MAP3K13: variants seen among roughly 807,000 people sequenced by gnomAD.
The protein encoded by MAP3K13 is mitogen-activated protein kinase kinase kinase 13.
A neutral mutation model predicts 104.0 loss-of-function variants in MAP3K13; 52 were observed. The ratio of observed to expected loss-of-function variants is 0.50; its 90% confidence interval spans 0.40 to 0.63. MAP3K13 has a LOEUF of 0.63. MAP3K13 is among the 20% of genes least tolerant of loss of function. The pLI is 0.00. For synonymous variants in MAP3K13, 394 were observed against 442.2 expected, an observed-to-expected ratio of 0.89 and a Z score of 1.37; for missense variants, 914 against 1,218.5, an observed-to-expected ratio of 0.75 and a Z score of 3.72.
rs1393394102 is a variant in MAP3K13, at chr3:185,417,744, C to G, written c.-85-10753C>G. The G allele has an allele frequency of 3.7e-6, 6 of 1,612,470 alleles. No homozygotes were observed. The African/African-American group carries it at 4.0e-5, about 11-fold the overall frequency. ...CCTTATCCACCCGGAGCTTGTGATT[C>G]CTGGCCTGGCGAAGAATGGTGTTCC... On this transcript the variant is annotated intron_variant, in intron 1 of 13. Transcript: ENST00000265026.
At chr3:185,426,245 T>C (rs1317918991) in intron 1 of MAP3K13, among the ~76,000 whole-genome samples, 1 of 152,152 alleles carries the variant, frequency 6.6e-6, no homozygotes, top group African/African-American at 2.4e-5. Flanking sequence ...CATGCCCGGC[T>C]AATTTTTTGT....
intron 2 of MAP3K13, among the ~76,000 whole-genome samples, chr3:185,353,343 G>T (rs1723208288): frequency 6.6e-6 from 1 of 152,226 alleles, no homozygotes; most frequent in Non-Finnish European, 1.5e-5. Flanking sequence ...ACAGCAAAAG[G>T]AAAGTGACAG....
intron 2 of MAP3K13, among the ~76,000 whole-genome samples, chr3:185,434,502 C>A (rs936539688): frequency 3.3e-5 from 5 of 152,084 alleles, no homozygotes; most frequent in Admixed American, 6.6e-5. Context: ...TCCTCTTTAA[C>A]CAAGGAACTG....
intron 1 of MAP3K13, among the ~76,000 whole-genome samples, chr3:185,403,387 G>A (rs377418247): frequency 6.6e-5 from 10 of 152,272 alleles, no homozygotes; most frequent in Non-Finnish European, 1.3e-4. Context: ...ATAGCATGAA[G>A]CATAAGGCAC....
chr3:185,403,301 C>T (rs1450538858), intron 1 of MAP3K13, among the ~76,000 whole-genome samples: 1 of 152,184 alleles, frequency 6.6e-6, no homozygotes, highest in Non-Finnish European at 1.5e-5. Context: ...TGATTCAGGG[C>T]CACAGAGTGG....
At chr3:185,296,384 C>T (rs1217138803) in intron 2 of MAP3K13, among the ~76,000 whole-genome samples, 3 of 152,194 alleles carry the variant, frequency 2.0e-5, no homozygotes, top group Non-Finnish European at 2.9e-5. Flanking sequence ...ACTACCCAGC[C>T]CAGATCTCTT....
At position 185,473,022 on chromosome 3, in the gene MAP3K13, C is replaced by G. The variant is rs369164124; in HGVS notation, c.1691C>G (p.Pro564Arg). The G allele has an allele frequency of 4.3e-6, 7 of 1,614,178 alleles. No homozygotes were observed. Among genetic ancestry groups the G allele is most frequent in the Non-Finnish European group, 5.1e-6 (6 of 1,180,032 alleles). ...GGGATCCCCACCACAGAAGTGGCTC[C>G]CACTGCATCCCCTTTGTCCGGAAGT... ...SEGIPTTEVAPTASPLSGSPK... is the reference protein window; with the variant it reads ...SEGIPTTEVARTASPLSGSPK... The change falls in exon 11 of 14, where the codon CCC (proline) becomes CGC (arginine). Residue 564 changes from proline to arginine, a missense_variant. Physicochemically the swap from Pro to Arg is moderately radical, Grantham distance 103. Around this residue, in one of 3 missense-constraint regions of MAP3K13, gnomAD observed 583 missense variants for 737.4 expected, o/e 0.79. Transcript: ENST00000265026. This position sits in a 1 kb window ranked among gnomAD's most constrained non-coding sequence, Gnocchi z 4.9.
At chr3:185,327,683 G>C (rs1019762928) in intron 2 of MAP3K13, among the ~76,000 whole-genome samples, 14 of 152,114 alleles carry the variant, frequency 9.2e-5, no homozygotes, top group Non-Finnish European at 1.9e-4. Context: ...AGGCCAAGGC[G>C]GGCAAATCAC....
intron 1 of MAP3K13, among the ~76,000 whole-genome samples, chr3:185,380,370 G>A (rs1724652270): frequency 6.6e-6 from 1 of 151,620 alleles, no homozygotes; most frequent in East Asian, 1.9e-4. Context: ...AATTAACTGG[G>A]CATGGTGTTG....
At chr3:185,476,418 A>G (rs1017607890) in intron 11 of MAP3K13, 1 of 151,974 alleles carries the variant, frequency 6.6e-6, no homozygotes, top group East Asian at 1.9e-4. Context: ...GATATTTTAG[A>G]ACTGACTTTT....
At chr3:185,399,630 G>GCGGGGGGGGGT (rs1251711988) in intron 1 of MAP3K13, among the ~76,000 whole-genome samples, 1 of 8,950 alleles carries the variant, frequency 1.1e-4, no homozygotes, top group Non-Finnish European at 3.8e-4. Context: ...GAAAGGCGGG[G>GCGGGGGGGGGT]GGGGGGGGGG....
At chr3:185,384,376 A>G (rs1711561367) in intron 1 of MAP3K13, among the ~76,000 whole-genome samples, 3 of 151,402 alleles carry the variant, frequency 2.0e-5, no homozygotes, top group African/African-American at 2.4e-5. Context: ...ATTGATGAAT[A>G]CTTGAGTTGA....
rs1028416544 is a variant in MAP3K13, at chr3:185,465,977, C to T, written c.1505+114C>T. On this transcript the variant is annotated intron_variant, in intron 9 of 13. Coordinates refer to ENST00000265026, the MANE Select transcript of MAP3K13 (RefSeq NM_004721.5). ...AACTGGCAGATATTTTATTCATTCA[C>T]CCAACATTCCTTCCGGGATGTGCTA... 5.0e-6 allele frequency: 4 copies of T among 799,838 alleles called. No individual in the cohort carries two copies. In the African/African-American group the frequency reaches 6.7e-5, roughly 13 times the overall value. 49.5% of individuals were successfully genotyped at this position (799,838 alleles called of 1,614,324 possible).
Position 185,483,106 on chromosome 3 carries a change from C to G in MAP3K13, c.*650C>G. 4.3e-6 allele frequency: 1 copy of G among 233,118 alleles called. No homozygotes were observed. The highest frequency in any genetic ancestry group is 8.5e-6 in the Non-Finnish European group (1 of 117,970). The allele number at this position is 233,118 out of a possible 1,614,324, so 14.4% of individuals were successfully genotyped here. A position where few individuals can be genotyped will look rare whatever the true frequency, so the allele number is the denominator to read the frequency against. ...CCTAGAAAAGTCTGGTGACCAGATA[C>G]TTGCACCCAATGTCTTCAAGGGCAT... On this transcript the variant is annotated 3_prime_UTR_variant, in exon 14 of 14. Coordinates refer to ENST00000265026, the MANE Select transcript of MAP3K13 (RefSeq NM_004721.5).
Position 185,477,318 on chromosome 3 carries a change from C to A in MAP3K13, c.2431-8C>A. 1 of 1,578,236 alleles carries A rather than the reference C, an allele frequency of 6.3e-7. No individual in the cohort carries two copies. The highest frequency in any genetic ancestry group is 8.7e-7 in the Non-Finnish European group (1 of 1,147,552). On this transcript the variant is annotated splice_region_variant and splice_polypyrimidine_tract_variant and intron_variant, in intron 11 of 13. Coordinates refer to ENST00000265026, the MANE Select transcript of MAP3K13 (RefSeq NM_004721.5). The stretch of plus-strand genomic sequence containing the variant: ...ATAAATAAAACTCTTAATCCTTGTT[C>A]TCCTCAGAGTGGAGATGACTCCTCA...
chr3:185,422,036 A>G (rs1714161705), intron 1 of MAP3K13, among the ~76,000 whole-genome samples: 1 of 151,914 alleles, frequency 6.6e-6, no homozygotes, highest in Non-Finnish European at 1.5e-5. Context: ...ATCTTTATAC[A>G]CCCTTGAGGT....
chr3:185,339,177 G>A (rs1485880564), intron 2 of MAP3K13, among the ~76,000 whole-genome samples: 1 of 152,046 alleles, frequency 6.6e-6, no homozygotes, highest in Non-Finnish European at 1.5e-5. Context: ...AAAATAGCCA[G>A]GTGTGGTGGT....
intron 2 of MAP3K13, chr3:185,328,772 C>G (rs1722132853): frequency 6.4e-6 from 1 of 155,544 alleles, no homozygotes; most frequent in Non-Finnish European, 1.4e-5. Context: ...AAGCAGTTAT[C>G]AAACAAGAGT....
intron 2 of MAP3K13, among the ~76,000 whole-genome samples, chr3:185,308,382 C>T (rs1222877825): frequency 1.3e-5 from 2 of 152,128 alleles, no homozygotes; most frequent in Non-Finnish European, 2.9e-5. Flanking sequence ...TCAGCAGTTC[C>T]CAGGCATGCA....
Sources: gnomAD v4.1 joint callset for allele counts (sites outside exome capture counted in the v4.1 genomes callset) on GRCh38, gnomAD v4.1.1 for gene constraint, gnomAD v4.1.1 regional missense constraint, Gnocchi (gnomAD v3.1) non-coding constraint, MANE v1.5 for transcripts, NCBI Gene and HGNC (gene_info 2026-07-23, HGNC 2026-07-21) for gene names.